PEX3: variants seen among roughly 807,000 people sequenced by gnomAD.
PEX3 encodes peroxin-3.
In PEX3, 30 loss-of-function variants were observed where a neutral mutation model predicts 55.8. The observed-to-expected ratio is 0.54, with a 90% CI of 0.40 to 0.73. The LOEUF (loss-of-function observed/expected upper bound fraction) is 0.73. PEX3 is among the 30% of genes least tolerant of loss of function. The pLI is 0.00. For synonymous variants in PEX3, 135 were observed against 148.4 expected (o/e 0.91, Z 0.66); for missense variants, 351 against 432.8 (o/e 0.81, Z 1.68).
rs1348830630 is a variant in PEX3 at position 143,487,879 on chromosome 6, CAT to C, written c.1039-1262_1039-1261del. Among the ~76,000 whole-genome samples the C allele has an allele frequency of 1.3e-5, 2 of 152,040 alleles. No individual in the cohort carries two copies. Among genetic ancestry groups the C allele is most frequent in the Non-Finnish European group, 2.9e-5 (2 of 67,964 alleles). On this transcript the variant is annotated intron_variant, in intron 11 of 11. Transcript: ENST00000367591. This position sits in a 1 kb window ranked among gnomAD's most constrained non-coding sequence, Gnocchi z 5.3. ...TAATGTTACTTAAAGCCAATAAGAA[CAT>C]AAATATAAACAAATGCCCTAAAATC...
intron 10 of PEX3, among the ~76,000 whole-genome samples, chr6:143,480,138 AG>A (rs1258935435): frequency 1.3e-5 from 2 of 152,192 alleles, no homozygotes; most frequent in East Asian, 3.8e-4. Context: ...GAATGCTTAC[AG>A]CCATAAAGTA....
rs114817008 is a variant in PEX3 at position 143,453,212 on chromosome 6, A to G, written c.73+2097A>G. Among the ~76,000 whole-genome samples, 23 of 152,378 alleles carry G rather than the reference A, an allele frequency of 1.5e-4. No individual in the cohort carries two copies. Among genetic ancestry groups the G allele is most frequent in the African/African-American group, 5.5e-4 (23 of 41,596 alleles). On this transcript the variant is annotated intron_variant, in intron 1 of 11. Transcript: ENST00000367591. The surrounding 1 kb of genome is among the most constrained non-coding windows in gnomAD (Gnocchi z 4.6). ...AACAAGAGAGGTGAAAAAATGCTGTACAGATCACACTGGCAAGTAGCATAT... is the reference window on the plus strand; with the variant it reads ...AACAAGAGAGGTGAAAAAATGCTGTGCAGATCACACTGGCAAGTAGCATAT...
Position 143,451,128 on chromosome 6 carries a change from G to A in PEX3, c.73+13G>A, listed in dbSNP as rs779676430. ...ACGGTCCTTGGAGGTGGGTGACAACGTGCTTGAAAGGGGGCATTGGGAGAA... is the reference window on the plus strand; with the variant it reads ...ACGGTCCTTGGAGGTGGGTGACAACATGCTTGAAAGGGGGCATTGGGAGAA... On this transcript the variant is annotated intron_variant, in intron 1 of 11. Coordinates refer to ENST00000367591, the MANE Select transcript of PEX3 (RefSeq NM_003630.3). The surrounding 1 kb of genome is among the most constrained non-coding windows in gnomAD (Gnocchi z 4.1). 65 of 1,587,756 alleles carry A rather than the reference G, an allele frequency of 4.1e-5. No individual in the cohort carries two copies. Among genetic ancestry groups the A allele is most frequent in the Non-Finnish European group, 5.4e-5 (62 of 1,156,082 alleles).
chr6:143,470,984 G>A lies in PEX3; in HGVS notation c.355G>A (p.Val119Ile). The change falls in exon 5 of 12, where the codon GTA becomes ATA. Residue 119 changes from valine (V) to isoleucine (I), a missense_variant. By Grantham distance (29) the Val-to-Ile change is conservative. Coordinates refer to ENST00000367591, the MANE Select transcript of PEX3 (RefSeq NM_003630.3). The part of the protein sequence containing the change: ...IISFTRSTVA[V>I]YSTCMLVVLL... ...AGGTTTCACAAGAAGTACTGTGGCT[G>A]TATACAGTACCTGTATGCTGGTTGT... 3 of 1,611,660 alleles carry A rather than the reference G, an allele frequency of 1.9e-6. No individual in the cohort carries two copies. The highest frequency in any genetic ancestry group is 1.1e-5 in the South Asian group (1 of 91,042).
At position 143,486,789 on chromosome 6, in the gene PEX3, G is replaced by A. The variant is rs1780328374; in HGVS notation, c.1038+1541G>A. ...GTGTAGGAGAGCCTATGGTGGGAAT[G>A]CTGTAGAACAGGGGTTTGGCAAACT... On this transcript the variant is annotated intron_variant, in intron 11 of 11. Transcript: ENST00000367591. The surrounding 1 kb of genome is among the most constrained non-coding windows in gnomAD (Gnocchi z 5.0). Among the ~76,000 whole-genome samples the A allele has an allele frequency of 6.6e-6, 1 of 152,152 alleles. No homozygotes were observed. The highest frequency in any genetic ancestry group is 1.5e-5 in the Non-Finnish European group (1 of 68,018).
rs749677512 is a variant in PEX3 at position 143,451,151 on chromosome 6, G to C, written c.73+36G>C. The stretch of plus-strand genomic sequence containing the variant: ...ACGTGCTTGAAAGGGGGCATTGGGA[G>C]AAGGGGGTGGGAGAGGTGACTTCTT... On this transcript the variant is annotated intron_variant, in intron 1 of 11. Coordinates refer to ENST00000367591, the MANE Select transcript of PEX3 (RefSeq NM_003630.3). This position sits in a 1 kb window ranked among gnomAD's most constrained non-coding sequence, Gnocchi z 4.1. The C allele has an allele frequency of 7.0e-6, 10 of 1,419,190 alleles. No homozygotes were observed. Among genetic ancestry groups the C allele is most frequent in the Non-Finnish European group, 1.0e-5 (10 of 1,001,876 alleles). 87.9% of individuals were successfully genotyped at this position (1,419,190 alleles called of 1,614,324 possible). A position where few individuals can be genotyped will look rare whatever the true frequency, so the allele number is the denominator to read the frequency against.
In PEX3 at chr6:143,454,726, A is replaced by G. The variant is rs146047738; in HGVS notation, c.73+3611A>G. On this transcript the variant is annotated intron_variant, in intron 1 of 11. Transcript: ENST00000367591. This position sits in a 1 kb window ranked among gnomAD's most constrained non-coding sequence, Gnocchi z 4.3. ...AAGAAAGTGTGAAGATGTCAGGCAAAGCTCCATAAGGAAGAATTTCTGCTT... is the reference window on the plus strand; with the variant it reads ...AAGAAAGTGTGAAGATGTCAGGCAAGGCTCCATAAGGAAGAATTTCTGCTT... 5.0e-3 allele frequency among the ~76,000 whole-genome samples: 766 copies of G among 152,328 alleles called. 5 individuals are homozygous for G. Among genetic ancestry groups the G allele is most frequent in the Non-Finnish European group, 7.5e-3 (508 of 68,026 alleles).
chr6:143,488,873 T>C lies in PEX3; in HGVS notation c.1039-270T>C, dbSNP rs1050862171. ...ACAGATACCTATCTAGCACTTGACATACACCAAAATTCATTTGAAGACTAT... is the reference window on the plus strand; with the variant it reads ...ACAGATACCTATCTAGCACTTGACACACACCAAAATTCATTTGAAGACTAT... On this transcript the variant is annotated intron_variant, in intron 11 of 11. Coordinates refer to ENST00000367591, the MANE Select transcript of PEX3 (RefSeq NM_003630.3). The surrounding 1 kb of genome is among the most constrained non-coding windows in gnomAD (Gnocchi z 4.9). Among the ~76,000 whole-genome samples the C allele has an allele frequency of 6.6e-6, 1 of 152,112 alleles. No individual in the cohort carries two copies. Among genetic ancestry groups the C allele is most frequent in the African/African-American group, 2.4e-5 (1 of 41,460 alleles).
In PEX3 at chr6:143,450,868, G is replaced by A; in HGVS notation, c.-175G>A. 10 of 774,770 alleles carry A rather than the reference G, an allele frequency of 1.3e-5. No homozygotes were observed. The highest frequency in any genetic ancestry group is 1.0e-4 in the South Asian group (7 of 69,096). 48.0% of individuals were successfully genotyped at this position (774,770 alleles called of 1,614,324 possible). A position where few individuals can be genotyped will look rare whatever the true frequency, so the allele number is the denominator to read the frequency against. The stretch of plus-strand genomic sequence containing the variant: ...GCGTAGCTGCTTTGCTGTAGTCCAC[G>A]CCCCCTTGCCGCTCCGGTGACAGTC... On this transcript the variant is annotated 5_prime_UTR_variant, in exon 1 of 12. Coordinates refer to ENST00000367591, the MANE Select transcript of PEX3 (RefSeq NM_003630.3).
Position 143,485,319 on chromosome 6 carries a change from T to G in PEX3, c.1038+71T>G. 1.1e-6 allele frequency: 1 copy of G among 872,150 alleles called. No homozygotes were observed. The highest frequency in any genetic ancestry group is 1.3e-5 in the South Asian group (1 of 76,196). 54.0% of individuals were successfully genotyped at this position (872,150 alleles called of 1,614,324 possible). A position where few individuals can be genotyped will look rare whatever the true frequency, so the allele number is the denominator to read the frequency against. On this transcript the variant is annotated intron_variant, in intron 11 of 11. Coordinates refer to ENST00000367591, the MANE Select transcript of PEX3 (RefSeq NM_003630.3). This position sits in a 1 kb window ranked among gnomAD's most constrained non-coding sequence, Gnocchi z 5.6. ...TGGTGGTGGTCATGTTTGTCTAACATAAAGTTACATTCTCTGCTGAGAGGT... is the reference window on the plus strand; with the variant it reads ...TGGTGGTGGTCATGTTTGTCTAACAGAAAGTTACATTCTCTGCTGAGAGGT...
chr6:143,472,949 T>C (rs1780095353), intron 8 of PEX3, among the ~76,000 whole-genome samples: 1 of 152,204 alleles, frequency 6.6e-6, no homozygotes, highest in African/African-American at 2.4e-5. Flanking sequence ...AGTTGTTACG[T>C]AAGTTATTCA....
rs1023818708 is a variant in PEX3 at position 143,486,913 on chromosome 6, C to T, written c.1038+1665C>T. On this transcript the variant is annotated intron_variant, in intron 11 of 11. Transcript: ENST00000367591. This position sits in a 1 kb window ranked among gnomAD's most constrained non-coding sequence, Gnocchi z 5.0. ...CTGGCAGTGTGAAAGCAGTCAGAAA[C>T]GTACATGAACAAAAGAGTATGGCTG... Among the ~76,000 whole-genome samples, 2 of 152,210 alleles carry T rather than the reference C, an allele frequency of 1.3e-5. No homozygotes were observed. The highest frequency in any genetic ancestry group is 2.1e-4 in the South Asian group (1 of 4,828).
chr6:143,483,851 G>T lies in PEX3; in HGVS notation c.942-1301G>T, dbSNP rs1184889500. ...ATACAGTGCATAAGATAGACATGGTGTGTAACCTCATGGAGCTTGCATGAT... is the reference window on the plus strand; with the variant it reads ...ATACAGTGCATAAGATAGACATGGTTTGTAACCTCATGGAGCTTGCATGAT... On this transcript the variant is annotated intron_variant, in intron 10 of 11. Transcript: ENST00000367591. The surrounding 1 kb of genome is among the most constrained non-coding windows in gnomAD (Gnocchi z 4.3). Among the ~76,000 whole-genome samples, 1 of 152,044 alleles carries T rather than the reference G, an allele frequency of 6.6e-6. No homozygotes were observed. Among genetic ancestry groups the T allele is most frequent in the Non-Finnish European group, 1.5e-5 (1 of 68,004 alleles).
chr6:143,468,402 A>AC (rs1158535842), intron 4 of PEX3, among the ~76,000 whole-genome samples: 1 of 152,212 alleles, frequency 6.6e-6, no homozygotes, highest in Non-Finnish European at 1.5e-5. Flanking sequence ...GTCCTAGACT[A>AC]CATATGCCTT....
intron 2 of PEX3, among the ~76,000 whole-genome samples, chr6:143,460,716 T>C (rs1305881333): frequency 1.3e-5 from 2 of 151,940 alleles, no homozygotes; most frequent in Non-Finnish European, 2.9e-5. Context: ...AATACAAAAT[T>C]AGCCGGGCGT....
rs1044061977 is a variant in PEX3, at chr6:143,471,986, G to A, written c.579-174G>A. ...CCAGAGAAATACTTTTCTTGGCTCTGTAGTAATGGCCCTTAACTAGTGGCT... is the reference window on the plus strand; with the variant it reads ...CCAGAGAAATACTTTTCTTGGCTCTATAGTAATGGCCCTTAACTAGTGGCT... On this transcript the variant is annotated intron_variant, in intron 7 of 11. Transcript: ENST00000367591. This position sits in a 1 kb window ranked among gnomAD's most constrained non-coding sequence, Gnocchi z 5.4. Among the ~76,000 whole-genome samples, 1 of 152,122 alleles carries A rather than the reference G, an allele frequency of 6.6e-6. No homozygotes were observed. Among genetic ancestry groups the A allele is most frequent in the Non-Finnish European group, 1.5e-5 (1 of 68,022 alleles).
intron 9 of PEX3, among the ~76,000 whole-genome samples, chr6:143,478,084 T>G (rs1229584753): frequency 2.6e-5 from 4 of 152,066 alleles, no homozygotes; most frequent in African/African-American, 4.8e-5. Flanking sequence ...GAGCCCTATG[T>G]AGCAAAAAAG....
In PEX3 at chr6:143,462,850, C is replaced by T. The variant is rs190260862; in HGVS notation, c.206-66C>T. 399 of 1,184,790 alleles carry T rather than the reference C, an allele frequency of 3.4e-4. 1 individual carries two copies. Among genetic ancestry groups the T allele is most frequent in the Middle Eastern group, 2.1e-3 (11 of 5,270 alleles). The allele number at this position is 1,184,790 out of a possible 1,614,324, so 73.4% of individuals were successfully genotyped here. On this transcript the variant is annotated intron_variant, in intron 2 of 11. Coordinates refer to ENST00000367591, the MANE Select transcript of PEX3 (RefSeq NM_003630.3). This position sits in a 1 kb window ranked among gnomAD's most constrained non-coding sequence, Gnocchi z 4.1. Reference sequence around the variant, plus strand: ...CCCTATCATATAGCCTAAAACAATGCGCATTTCTTAGTGAGGGCAGTCATA... The same window carrying T: ...CCCTATCATATAGCCTAAAACAATGTGCATTTCTTAGTGAGGGCAGTCATA...
rs1358490702 is a variant in PEX3, at chr6:143,465,953, GT to G, written c.288-2161del. ...TGGACTTGTGTTTTCTATATCTGTGGTTTTTTTTATTTCATGTTTTCTAGTA... is the reference window on the plus strand; with the variant it reads ...TGGACTTGTGTTTTCTATATCTGTGGTTTTTTTATTTCATGTTTTCTAGTA... On this transcript the variant is annotated intron_variant, in intron 3 of 11. Transcript: ENST00000367591. The surrounding 1 kb of genome is among the most constrained non-coding windows in gnomAD (Gnocchi z 4.7). 2.6e-5 allele frequency among the ~76,000 whole-genome samples: 4 copies of G among 151,598 alleles called. No individual in the cohort carries two copies. Among genetic ancestry groups the G allele is most frequent in the African/African-American group, 7.3e-5 (3 of 41,280 alleles).
Sources: allele counts gnomAD v4.1 joint callset (sites outside exome capture counted in the v4.1 genomes callset), GRCh38; gene constraint gnomAD v4.1.1; non-coding constraint Gnocchi (gnomAD v3.1); transcripts MANE v1.5; gene names NCBI Gene and HGNC (gene_info 2026-07-23, HGNC 2026-07-21).